LIMCH1: variants seen among roughly 807,000 people sequenced by gnomAD.
The protein encoded by LIMCH1 is LIM and calponin homology domains 1.
A neutral mutation model predicts 176.5 loss-of-function variants in LIMCH1; 113 were observed. The ratio of observed to expected loss-of-function variants is 0.64; its 90% CI spans 0.55 to 0.75. The LOEUF (loss-of-function observed/expected upper bound fraction) is 0.75, where lower values mean the gene tolerates loss of function less well. LIMCH1 is among the 30% of genes least tolerant of loss of function. The pLI, the probability that LIMCH1 is intolerant of heterozygous loss-of-function variation, is 0.00. For missense variants in LIMCH1, 1,674 were observed against 1,814.9 expected, an observed-to-expected ratio of 0.92 and a Z score of 1.41; for synonymous variants, 619 against 645.9, an observed-to-expected ratio of 0.96 and a Z score of 0.63.
intron 1 of LIMCH1, among the ~76,000 whole-genome samples, chr4:41,456,057 G>A (rs1224201895): frequency 6.6e-6 from 1 of 151,866 alleles, no homozygotes; most frequent in South Asian, 2.1e-4. Flanking sequence ...GTTTGTTTTT[G>A]CCTGCATGAG....
chr4:41,591,052 G>C (rs2087456261), intron 1 of LIMCH1, among the ~76,000 whole-genome samples: 1 of 152,110 alleles, frequency 6.6e-6, no homozygotes, highest in South Asian at 2.1e-4. Flanking sequence ...CCAAAACCAT[G>C]TTTAAAAGAA....
chr4:41,671,647 A>G, intron 22 of LIMCH1, 53 bp downstream of exon 22: 2 of 1,323,390 alleles, frequency 1.5e-6, no homozygotes, highest in Non-Finnish European at 2.2e-6. Flanking sequence ...ATTTTAATTT[A>G]TAACATTTGA....
At position 41,433,817 on chromosome 4, in the gene LIMCH1, G is replaced by A. The variant is rs143469534; in HGVS notation, c.97-60719G>A. 5.1e-3 allele frequency among the ~76,000 whole-genome samples: 772 copies of A among 152,156 alleles called. 12 individuals carry two copies. The highest frequency in any genetic ancestry group is 0.017 in the African/African-American group (721 of 41,484). On this transcript the variant is annotated intron_variant, in intron 1 of 26. Coordinates refer to the LIMCH1 transcript ENST00000313860. Reference sequence around the variant, plus strand: ...AGTCAGTCCAGATTTGAGGGAAGTCGGGGAAATAGACCCCATTTCTGGAAG... The same window carrying A: ...AGTCAGTCCAGATTTGAGGGAAGTCAGGGAAATAGACCCCATTTCTGGAAG...
intron 1 of LIMCH1, among the ~76,000 whole-genome samples, chr4:41,574,993 A>C (rs752193157): frequency 6.6e-6 from 1 of 152,196 alleles, no homozygotes; most frequent in Non-Finnish European, 1.5e-5. Flanking sequence ...TTTCATTTCT[A>C]TGGCTTTTTA....
chr4:41,675,238 C>T (rs899147744), intron 22 of LIMCH1, among the ~76,000 whole-genome samples: 2 of 150,812 alleles, frequency 1.3e-5, no homozygotes, highest in Non-Finnish European at 3.0e-5. Flanking sequence ...TTCCCTGGGC[C>T]AGCCCACCCG....
At chr4:41,614,907 T>C (rs1050489137) in intron 5 of LIMCH1, among the ~76,000 whole-genome samples, 1 of 152,238 alleles carries the variant, frequency 6.6e-6, no homozygotes, top group African/African-American at 2.4e-5. Context: ...CCCACATTTC[T>C]TTCTCTTTGC....
intron 14 of LIMCH1, 87 bp downstream of exon 14, chr4:41,639,054 G>A (rs1229975743): frequency 5.1e-6 from 5 of 986,244 alleles, no homozygotes; most frequent in Non-Finnish European, 7.5e-6. Context: ...AAATGCAACT[G>A]ATGCAAGTGA....
intron 14 of LIMCH1, among the ~76,000 whole-genome samples, chr4:41,641,398 ATGGCATAAATATATCACTCATAGG>A (rs1449805985): frequency 6.6e-6 from 1 of 151,800 alleles, no homozygotes; most frequent in Non-Finnish European, 1.5e-5. Context: ...TTTTTTGAAA[ATGGCATAAATATATCACTCATAGG>A]TTTGTTATTT....
intron 1 of LIMCH1, among the ~76,000 whole-genome samples, chr4:41,573,008 T>A (rs558784123): frequency 6.6e-6 from 1 of 152,222 alleles, no homozygotes; most frequent in African/African-American, 2.4e-5. Context: ...AAGGAAAATC[T>A]CCAAGTAATG....
At chr4:41,460,458 C>CCATATATATATATA (rs1554057132) in intron 1 of LIMCH1, among the ~76,000 whole-genome samples, 3 of 110,546 alleles carry the variant, frequency 2.7e-5, no homozygotes, top group African/African-American at 1.2e-4. Context: ...TAGTAATCAT[C>CCATATATATATATA]TATATATATA....
At chr4:41,519,788 C>T (rs73233712) in intron 2 of LIMCH1, among the ~76,000 whole-genome samples, 15,885 of 152,244 alleles carry the variant, frequency 0.1, 897 homozygotes, top group Non-Finnish European at 0.12. Context: ...CATCACCCCA[C>T]TGGATTCTCA....
At chr4:41,417,872 G>A (rs1290448043) in intron 1 of LIMCH1, among the ~76,000 whole-genome samples, 2 of 151,998 alleles carry the variant, frequency 1.3e-5, no homozygotes, top group Non-Finnish European at 2.9e-5. Flanking sequence ...TTTACAATGA[G>A]CATGTATTAT....
intron 1 of LIMCH1, among the ~76,000 whole-genome samples, chr4:41,481,358 AAGG>A (rs2068588203): frequency 6.6e-6 from 1 of 152,216 alleles, no homozygotes; most frequent in Admixed American, 6.5e-5. Flanking sequence ...GGCTGGGTGA[AAGG>A]AGAACTGAGT....
chr4:41,684,210 A>C lies in LIMCH1; in HGVS notation c.3846-187A>C, dbSNP rs78528085. Among the ~76,000 whole-genome samples the C allele has an allele frequency of 3.2e-3, 495 of 152,324 alleles. 14 individuals carry two copies. The East Asian group carries it at 0.061, about 19-fold the overall frequency. On this transcript the variant is annotated intron_variant, in intron 26 of 31. Transcript: ENST00000503057. ...AAATGATAGTTTGTTGAGCTTGTTA[A>C]ATGGGTGGATAATAGAAATTTGTAG...
intron 2 of LIMCH1, among the ~76,000 whole-genome samples, chr4:41,505,192 A>G (rs1034036710): frequency 8.5e-5 from 13 of 152,184 alleles, no homozygotes; most frequent in African/African-American, 3.1e-4. Flanking sequence ...GATTCCAGTG[A>G]GAGAATACAG....
intron 1 of LIMCH1, among the ~76,000 whole-genome samples, chr4:41,562,731 T>C (rs1263692458): frequency 6.6e-6 from 1 of 152,164 alleles, no homozygotes; most frequent in African/African-American, 2.4e-5. Flanking sequence ...TATTGATCCC[T>C]GTATCTCCCT....
chr4:41,651,246 C>G (rs182864940), intron 18 of LIMCH1, among the ~76,000 whole-genome samples: 15 of 152,200 alleles, frequency 9.9e-5, no homozygotes, highest in Admixed American at 9.2e-4. Context: ...CTCAAGTGAT[C>G]CACCCACCTC....
At chr4:41,411,977 A>G (rs2059533480) in intron 1 of LIMCH1, among the ~76,000 whole-genome samples, 1 of 150,860 alleles carries the variant, frequency 6.6e-6, no homozygotes, top group Admixed American at 6.6e-5. Context: ...AAAAAAAAAA[A>G]AAAAAAAAAG....
intron 1 of LIMCH1, among the ~76,000 whole-genome samples, chr4:41,455,641 AC>A (rs1178791660): frequency 1.3e-5 from 2 of 152,182 alleles, no homozygotes; most frequent in Non-Finnish European, 2.9e-5. Context: ...AAAACAAAAA[AC>A]AAAAAAACCC....
Sources: allele counts gnomAD v4.1 joint callset (sites outside exome capture counted in the v4.1 genomes callset), GRCh38; gene constraint gnomAD v4.1.1; transcripts MANE v1.5; gene names NCBI Gene and HGNC (gene_info 2026-07-23, HGNC 2026-07-21).